The following RPTOR variants were observed in gnomAD, a reference collection of about 807,000 sequenced individuals.
RPTOR encodes the protein regulatory associated protein of MTOR complex 1, also known as regulatory-associated protein of mTOR.
Under a neutral mutation model 169.9 loss-of-function variants are expected in RPTOR, and 21 were observed. The observed-to-expected ratio is 0.12, with a 90% CI of 0.09 to 0.18. RPTOR has a LOEUF of 0.18. Ranked by LOEUF, RPTOR falls within the 10% of genes least tolerant of loss-of-function variation. RPTOR has a pLI of 1.00. For synonymous variants in RPTOR, 732 were observed against 753.2 expected (o/e 0.97, Z 0.46); for missense variants, 1,133 against 1,855.9 (o/e 0.61, Z 7.16).
chr17:80,653,219 T>C (rs149059203), intron 3 of RPTOR, among the ~76,000 whole-genome samples: 131 of 152,346 alleles, frequency 8.6e-4, no homozygotes, highest in African/African-American at 2.8e-3. Flanking sequence ...TAACATTTAA[T>C]TCTTAAAAGA....
chr17:80,577,604 A>C (rs998771661), intron 1 of RPTOR, among the ~76,000 whole-genome samples: 2 of 152,080 alleles, frequency 1.3e-5, no homozygotes, highest in Admixed American at 6.5e-5. Flanking sequence ...AGTCCTTTCC[A>C]CGGAAGTCAC....
chr17:80,865,852 A>C (rs531138352), intron 13 of RPTOR, among the ~76,000 whole-genome samples: 1 of 152,244 alleles, frequency 6.6e-6, no homozygotes, highest in African/African-American at 2.4e-5. Context: ...TGCAGTGCAC[A>C]GAGGCTGTGC....
At chr17:80,813,915 C>T (rs1213857674) in intron 7 of RPTOR, among the ~76,000 whole-genome samples, 2 of 152,322 alleles carry the variant, frequency 1.3e-5, no homozygotes, top group East Asian at 3.9e-4. Context: ...AGGTGGATCA[C>T]CCGAGCTCAG....
chr17:80,965,324 A>T lies in RPTOR; in HGVS notation c.*994A>T, dbSNP rs2044512513. On this transcript the variant is annotated 3_prime_UTR_variant, in exon 34 of 34. Coordinates refer to ENST00000306801, the MANE Select transcript of RPTOR (RefSeq NM_020761.3). ...CCCCACACGTTCCTCACATACAGGCAAGAGGCACTGCCGGGTCCCGGACGG... is the reference window on the plus strand; with the variant it reads ...CCCCACACGTTCCTCACATACAGGCTAGAGGCACTGCCGGGTCCCGGACGG... 4.3e-6 allele frequency: 1 copy of T among 233,246 alleles called. No homozygotes were observed. The highest frequency in any genetic ancestry group is 8.5e-6 in the Non-Finnish European group (1 of 118,038). 14.4% of individuals were successfully genotyped at this position (233,246 alleles called of 1,614,324 possible). A position where few individuals can be genotyped will look rare whatever the true frequency, so the allele number is the denominator to read the frequency against.
intron 1 of RPTOR, among the ~76,000 whole-genome samples, chr17:80,561,726 C>T (rs140793500): frequency 6.6e-6 from 1 of 152,272 alleles, no homozygotes; most frequent in Non-Finnish European, 1.5e-5. Context: ...GCCACCGCAC[C>T]CAGCCCAGGA....
chr17:80,964,706 C>T lies in RPTOR; in HGVS notation c.*376C>T, dbSNP rs2069402994. On this transcript the variant is annotated 3_prime_UTR_variant, in exon 34 of 34. Transcript: ENST00000306801. ...GCTGCAGAAAAACCCCCCGACAGAG[C>T]CCTGGCGGAGAGGCAGGCGCTGGGG... is the stretch of plus-strand genomic sequence containing the variant. 2 of 290,800 alleles carry T rather than the reference C, an allele frequency of 6.9e-6. No individual in the cohort carries two copies. The highest frequency in any genetic ancestry group is 1.3e-5 in the Non-Finnish European group (2 of 152,256). The allele number at this position is 290,800 out of a possible 1,614,324, so 18.0% of individuals were successfully genotyped here.
chr17:80,927,339 T>A (rs888625744), intron 24 of RPTOR, among the ~76,000 whole-genome samples: 33 of 152,204 alleles, frequency 2.2e-4, no homozygotes, highest in African/African-American at 7.5e-4. Flanking sequence ...TCGCTCTTGC[T>A]GGGATGGCAG....
chr17:80,751,070 C>T (rs913233295), intron 5 of RPTOR, among the ~76,000 whole-genome samples: 29 of 152,246 alleles, frequency 1.9e-4, no homozygotes, highest in African/African-American at 7.0e-4. Context: ...TCATTAGTAC[C>T]TTCCAGCTGA....
At chr17:80,593,471 G>C (rs144473725) in intron 1 of RPTOR, 1,693 of 154,964 alleles carry the variant, frequency 0.011, 23 homozygotes, top group Middle Eastern at 0.042. Context: ...GGGTCTCAAT[G>C]TAACAGAGTA....
intron 1 of RPTOR, among the ~76,000 whole-genome samples, chr17:80,556,500 T>C (rs11651818): frequency 0.25 from 37,808 of 151,634 alleles, 5,498 homozygotes; most frequent in East Asian, 0.42. Context: ...AGTAATAGAG[T>C]GACACCCTGC....
At position 80,809,930 on chromosome 17, in the gene RPTOR, G is replaced by A. The variant is rs190390242; in HGVS notation, c.891-12271G>A. ...CACACACCTGTACTCCCAGCTACTC[G>A]GGAGGCTGAGGCAGGAGAATCGCTT... On this transcript the variant is annotated intron_variant, in intron 7 of 33. Transcript: ENST00000306801. Among the ~76,000 whole-genome samples the A allele has an allele frequency of 9.7e-4, 147 of 152,126 alleles. No homozygotes were observed. In the Middle Eastern group the frequency reaches 0.01, roughly 11 times the overall value.
chr17:80,791,397 T>G, intron 6 of RPTOR, 53 bp from the exon 7 acceptor site: 2 of 1,565,398 alleles, frequency 1.3e-6, no homozygotes, highest in Middle Eastern at 1.7e-4. Flanking sequence ...CCTGTTGAAT[T>G]TCCTGGGTGA....
chr17:80,640,658 G>A (rs905520176), intron 2 of RPTOR, among the ~76,000 whole-genome samples: 3 of 152,198 alleles, frequency 2.0e-5, no homozygotes, highest in Non-Finnish European at 4.4e-5. Context: ...AACGAGGGCC[G>A]CCATGTCTCT....
chr17:80,821,263 GA>G (rs1279700574), intron 7 of RPTOR, among the ~76,000 whole-genome samples: 1 of 152,210 alleles, frequency 6.6e-6, no homozygotes, highest in Non-Finnish European at 1.5e-5. Flanking sequence ...AACAGTTTAA[GA>G]AAAGAAGTTC....
intron 1 of RPTOR, among the ~76,000 whole-genome samples, chr17:80,554,108 A>G (rs754427064): frequency 2.0e-5 from 3 of 147,692 alleles, no homozygotes; most frequent in Non-Finnish European, 4.5e-5. Context: ...AGTTCACTGC[A>G]TCCTTGACCT....
chr17:80,654,137 G>C (rs2065661906), intron 3 of RPTOR, among the ~76,000 whole-genome samples: 1 of 152,254 alleles, frequency 6.6e-6, no homozygotes, highest in Non-Finnish European at 1.5e-5. Context: ...GGGTGCACTT[G>C]ATCCAGTGCC....
At chr17:80,783,261 CCT>C (rs575539371) in intron 6 of RPTOR, among the ~76,000 whole-genome samples, 1 of 152,086 alleles carries the variant, frequency 6.6e-6, no homozygotes, top group Non-Finnish European at 1.5e-5. Flanking sequence ...CTCTCTTCCC[CCT>C]CTCTCTCTCC....
At chr17:80,652,949 T>C (rs984627966) in intron 3 of RPTOR, among the ~76,000 whole-genome samples, 42 of 152,364 alleles carry the variant, frequency 2.8e-4, no homozygotes, top group African/African-American at 8.7e-4. Flanking sequence ...CTAGTGGGTA[T>C]GAAGTGGAAT....
At chr17:80,950,838 A>C (rs1307008150) in intron 28 of RPTOR, among the ~76,000 whole-genome samples, 1 of 152,184 alleles carries the variant, frequency 6.6e-6, no homozygotes, top group Non-Finnish European at 1.5e-5. Flanking sequence ...TCACTGTTTG[A>C]TAGGCTTTCC....
Sources: allele counts gnomAD v4.1 joint callset (sites outside exome capture counted in the v4.1 genomes callset), GRCh38; gene constraint gnomAD v4.1.1; transcripts MANE v1.5; gene names NCBI Gene and HGNC (gene_info 2026-07-23, HGNC 2026-07-21).